ZNF219: variants seen among roughly 807,000 people sequenced by gnomAD.
The protein encoded by ZNF219 is zinc finger protein 219.
A neutral mutation model predicts 54.4 loss-of-function variants in ZNF219; 17 were observed. The observed-to-expected ratio is 0.31, with a 90% confidence interval of 0.21 to 0.47. ZNF219 has a LOEUF of 0.47. Among genes scored for constraint, ZNF219 ranks in the 20% least tolerant of loss-of-function variants. ZNF219 has a pLI of 1.00. For missense variants in ZNF219, 1,014 were observed against 1,062.3 expected, an observed-to-expected ratio of 0.95 and a Z score of 0.63; for synonymous variants, 518 against 476.4, an observed-to-expected ratio of 1.09 and a Z score of -1.14.
Position 21,092,087 on chromosome 14 carries a change from A to G in ZNF219, c.1210T>C (p.Phe404Leu), listed in dbSNP as rs1167447865. 1 of 1,536,676 alleles carries G rather than the reference A, an allele frequency of 6.5e-7. No homozygotes were observed. The highest frequency in any genetic ancestry group is 8.8e-7 in the Non-Finnish European group (1 of 1,141,824). The change falls in exon 3 of 5, where the codon TTC becomes CTC. Residue 404 changes from phenylalanine to leucine, a missense_variant. Around this residue, in one of 5 missense-constraint regions of ZNF219, gnomAD observed 272 missense variants for 248.9 expected, o/e 1.09. Transcript: ENST00000360947. ...GAGGACAGCGGGCGGAAGCCTCCGA[A>G]GCTGCGGCCGGGACCGGGCTCAGCA... The part of the protein sequence containing the change: ...EGAEPGPGRS[F>L]GGFRPLSSAL...
Position 21,091,991 on chromosome 14 carries a change from C to T in ZNF219, c.1306G>A (p.Glu436Lys). ...PEEEEEVVEAEEETWARGRSL... is the reference protein window; with the variant it reads ...PEEEEEVVEAKEETWARGRSL... The stretch of plus-strand genomic sequence containing the variant: ...CTGCCCCGGGCCCAGGTTTCCTCCT[C>T]GGCCTCCACCACCTCCTCTTCTTCC... Residue 436 changes from glutamate to lysine, a missense_variant, in exon 3 of 5, where the codon GAG (glutamate) becomes AAG (lysine). Physicochemically the swap from Glu to Lys is moderately conservative, Grantham distance 56 (BLOSUM62 1). Coordinates refer to ENST00000360947, the MANE Select transcript of ZNF219 (RefSeq NM_016423.3). 3 of 1,561,832 alleles carry T rather than the reference C, an allele frequency of 1.9e-6. No individual in the cohort carries two copies. Among genetic ancestry groups the T allele is most frequent in the Non-Finnish European group, 2.6e-6 (3 of 1,153,508 alleles).
upstream of ZNF219, chr14:21,101,647 T>C (rs574523579): frequency 5.2e-5 from 34 of 655,858 alleles, no homozygotes; most frequent in Non-Finnish European, 7.5e-5. Flanking sequence ...AGCTTCCATC[T>C]TGTGGGGGAA....
chr14:21,091,950 C>T lies in ZNF219; in HGVS notation c.1347G>A (p.Leu449=). Residue 449 remains leucine (L), a synonymous_variant, in exon 3 of 5, where the codon CTG becomes CTA. Coordinates refer to ENST00000360947, the MANE Select transcript of ZNF219 (RefSeq NM_016423.3). ...CACCCGGGCGCGGGTGCAGGGAAGC[C>T]AGAGAGCCCAGCGACCTGCCCCGGG... ...TWARGRSLGS[L]ASLHPRPGEG... is the part of the protein sequence containing the mutation. 6.3e-7 allele frequency: 1 copy of T among 1,597,750 alleles called. No homozygotes were observed. The highest frequency in any genetic ancestry group is 1.1e-5 in the South Asian group (1 of 88,734).
chr14:21,090,398 C>A lies in ZNF219; in HGVS notation c.*138G>T. 8.2e-7 allele frequency: 1 copy of A among 1,222,952 alleles called. No homozygotes were observed. Among genetic ancestry groups the A allele is most frequent in the East Asian group, 2.5e-5 (1 of 39,426 alleles). The allele number at this position is 1,222,952 out of a possible 1,614,324, so 75.8% of individuals were successfully genotyped here. On this transcript the variant is annotated 3_prime_UTR_variant, in exon 5 of 5. Coordinates refer to ENST00000360947, the MANE Select transcript of ZNF219 (RefSeq NM_016423.3). This position sits in a 1 kb window ranked among gnomAD's most constrained non-coding sequence, Gnocchi z 4.4. The stretch of plus-strand genomic sequence containing the variant: ...CCAGCCCACCCTCCTACGCCCGCCG[C>A]GCCTTCCACCTCTGGTCCGCCTGGG...
chr14:21,099,372 A>T (rs1467691209), upstream of ZNF219, among the ~76,000 whole-genome samples: 1 of 152,224 alleles, frequency 6.6e-6, no homozygotes, highest in Admixed American at 6.5e-5. Context: ...GGGGATCCTC[A>T]GTGCAAGCCC....
Position 21,090,438 on chromosome 14 carries a change from C to T in ZNF219, c.*98G>A. The T allele has an allele frequency of 6.9e-7, 1 of 1,445,016 alleles. No individual in the cohort carries two copies. Among genetic ancestry groups the T allele is most frequent in the Non-Finnish European group, 9.3e-7 (1 of 1,077,822 alleles). The allele number at this position is 1,445,016 out of a possible 1,614,324, so 89.5% of individuals were successfully genotyped here. A position where few individuals can be genotyped will look rare whatever the true frequency, so the allele number is the denominator to read the frequency against. On this transcript the variant is annotated 3_prime_UTR_variant, in exon 5 of 5. Coordinates refer to ENST00000360947, the MANE Select transcript of ZNF219 (RefSeq NM_016423.3). The surrounding 1 kb of genome is among the most constrained non-coding windows in gnomAD (Gnocchi z 4.4). ...GTCCGCCTGGGGCTGGGATATGGGT[C>T]CCACGCTGCCCCCTGCTGGCTTCTC...
At chr14:21,102,677 C>G (rs1158847254), upstream of ZNF219, 5 of 1,551,550 alleles carry the variant, frequency 3.2e-6, no homozygotes, top group Admixed American at 3.9e-5. Flanking sequence ...AGGCCTTCAC[C>G]CTAGGGGGAG....
At chr14:21,098,085 C>A (rs1889384948) in intron 1 of ZNF219, among the ~76,000 whole-genome samples, 1 of 150,658 alleles carries the variant, frequency 6.6e-6, no homozygotes, top group Admixed American at 6.6e-5. Context: ...TTGGGGCCCC[C>A]CAGCTCTCCA....
chr14:21,102,319 G>A, upstream of ZNF219: 1 of 1,493,090 alleles, frequency 6.7e-7, no homozygotes, highest in Admixed American at 2.0e-5. Flanking sequence ...CAGAAGCTGA[G>A]TTTTGTCTTC....
upstream of ZNF219, chr14:21,102,445 T>C (rs1431112824): frequency 6.4e-7 from 1 of 1,551,674 alleles, no homozygotes; most frequent in Non-Finnish European, 8.7e-7. Context: ...AACTTGATCT[T>C]GGGTTTCATA....
At chr14:21,101,128 T>G (rs1022502143), upstream of ZNF219, 2 of 457,282 alleles carry the variant, frequency 4.4e-6, no homozygotes, top group African/African-American at 4.0e-5. Context: ...TCAAGCCCCT[T>G]AGGAGACCTA....
In ZNF219 at chr14:21,091,010, CGGTGGCTCCGGG is replaced by C. The variant is rs1217241477; in HGVS notation, c.1683_1694del (p.Glu563_Pro566del). 1 of 1,552,014 alleles carries C rather than the reference CGGTGGCTCCGGG, an allele frequency of 6.4e-7. No homozygotes were observed. Among genetic ancestry groups the C allele is most frequent in the Admixed American group, 1.9e-5 (1 of 52,344 alleles). ...GGGCCGAACCCCGCTGGGAAGGAGG[CGGTGGCTCCGGG>C]GGTGGCCCGGGGCCGGCCCCGCTCC... On this transcript the variant is annotated inframe_deletion, in exon 5 of 5. Transcript: ENST00000360947.
chr14:21,093,823 C>T, intron 1 of ZNF219, 149 bp from the exon 2 acceptor site: 1 of 680,506 alleles, frequency 1.5e-6, no homozygotes, highest in South Asian at 1.8e-5. Flanking sequence ...GGCTGCTATA[C>T]TCAAAAACTG....
At position 21,090,553 on chromosome 14, in the gene ZNF219, C is replaced by T. The variant is rs745442292; in HGVS notation, c.2152G>A (p.Gly718Arg). 3 of 1,598,842 alleles carry T rather than the reference C, an allele frequency of 1.9e-6. No homozygotes were observed. The highest frequency in any genetic ancestry group is 2.2e-5 in the South Asian group (2 of 90,498). ...GLSRPGEAGL[G>R]GQER Reference sequence around the variant, plus strand: ...AGGGCCCACTACCGTTCTTGCCCCCCCAGCCCTGCCTCTCCGGGTCTGGAC... The same window carrying T: ...AGGGCCCACTACCGTTCTTGCCCCCTCAGCCCTGCCTCTCCGGGTCTGGAC... Residue 718 changes from glycine (G) to arginine (R), a missense_variant, in exon 5 of 5, where the codon GGG becomes AGG. Transcript: ENST00000360947. This position sits in a 1 kb window ranked among gnomAD's most constrained non-coding sequence, Gnocchi z 4.4.
intron 1 of ZNF219, among the ~76,000 whole-genome samples, chr14:21,097,675 G>A (rs550759574): frequency 6.6e-6 from 1 of 152,284 alleles, no homozygotes; most frequent in Admixed American, 6.5e-5. Context: ...ATGGGGGGCA[G>A]GGTTGGGAGA....
rs1889108411 is a variant in ZNF219 at position 21,093,592 on chromosome 14, G to A, written c.-1C>T. On this transcript the variant is annotated 5_prime_UTR_variant, in exon 2 of 5. Coordinates refer to ENST00000360947, the MANE Select transcript of ZNF219 (RefSeq NM_016423.3). ...AAGCCAGAGCTTCACTCACCTCCAT[G>A]GACCCCCTTCACATTCTTTGGTTCT... 1 of 1,613,996 alleles carries A rather than the reference G, an allele frequency of 6.2e-7. No individual in the cohort carries two copies. Among genetic ancestry groups the A allele is most frequent in the Non-Finnish European group, 8.5e-7 (1 of 1,179,998 alleles).
intron 1 of ZNF219, among the ~76,000 whole-genome samples, chr14:21,097,767 G>A (rs1889357376): frequency 6.6e-6 from 1 of 152,130 alleles, no homozygotes; most frequent in Non-Finnish European, 1.5e-5. Context: ...CGCGGGCCGA[G>A]CTCTTTGTGA....
In ZNF219 at chr14:21,092,631, G is replaced by C; in HGVS notation, c.666C>G (p.Thr222=). 1 of 1,559,014 alleles carries C rather than the reference G, an allele frequency of 6.4e-7. No individual in the cohort carries two copies. Among genetic ancestry groups the C allele is most frequent in the South Asian group, 1.2e-5 (1 of 85,250 alleles). Residue 222 remains threonine (T), a synonymous_variant, in exon 3 of 5, where the codon ACC becomes ACG. Transcript: ENST00000360947. ...GAGGCTGAGGCGGAGGCGCAGCGGA[G>C]GTGGCCGCCAGGGGACGCTCGGGAG... ...HGAPERPLAA[T]SAAPPPQPQP... is the part of the protein sequence containing the mutation.
At chr14:21,102,448 G>A, upstream of ZNF219, 1 of 1,551,692 alleles carries the variant, frequency 6.4e-7, no homozygotes, top group Non-Finnish European at 8.7e-7. Context: ...TTGATCTTGG[G>A]TTTCATAGTG....
Sources: gnomAD v4.1 joint callset for allele counts (sites outside exome capture counted in the v4.1 genomes callset) on GRCh38, gnomAD v4.1.1 for gene constraint, gnomAD v4.1.1 regional missense constraint, Gnocchi (gnomAD v3.1) non-coding constraint, MANE v1.5 for transcripts, NCBI Gene and HGNC (gene_info 2026-07-23, HGNC 2026-07-21) for gene names.